Variants in TRMT44 observed in about 807,000 individuals in gnomAD.
The protein encoded by TRMT44 is tRNA methyltransferase 44 homolog, also known as probable tRNA (uracil-O(2)-)-methyltransferase.
In TRMT44, 78 loss-of-function variants were observed where a neutral mutation model predicts 77.3. That is an observed-to-expected ratio of 1.01 (90% CI 0.84 to 1.22). The LOEUF (loss-of-function observed/expected upper bound fraction) is 1.22. TRMT44 is among the 50% of genes most tolerant of loss of function. TRMT44 has a pLI of 0.00. For synonymous variants in TRMT44, 391 were observed against 383.3 expected, an observed-to-expected ratio of 1.02 and a Z score of -0.23; for missense variants, 1,090 against 964.4, an observed-to-expected ratio of 1.13 and a Z score of -1.73.
At chr4:8,495,716 G>C (rs151054369), downstream of TRMT44, among the ~76,000 whole-genome samples, 1 of 152,338 alleles carries the variant, frequency 6.6e-6, no homozygotes, top group African/African-American at 2.4e-5. Context: ...TCTTGCACCT[G>C]ATAGTGAGGC....
the TRMT44 span, among the ~76,000 whole-genome samples, chr4:8,508,200 C>T: frequency 6.6e-6 from 1 of 152,086 alleles, no homozygotes; most frequent in Non-Finnish European, 1.5e-5. Context: ...AGACACTATA[C>T]CTGGCCTCAC....
chr4:8,475,812 G>C lies in TRMT44; in HGVS notation c.2085G>C (p.Glu695Asp). The C allele has an allele frequency of 1.2e-6, 2 of 1,614,200 alleles. No individual in the cohort carries two copies. Among genetic ancestry groups the C allele is most frequent in the East Asian group, 4.5e-5 (2 of 44,888 alleles). The change falls in exon 11 of 11, where the codon GAG (glutamate) becomes GAC (aspartate). Residue 695 changes from glutamate (E) to aspartate (D), a missense_variant. Physicochemically the swap from Glu to Asp is conservative, Grantham distance 45. Coordinates refer to ENST00000389737, the MANE Select transcript of TRMT44 (RefSeq NM_152544.3). ...TTCACATCCGCGACTGGCGAGAGGA[G>C]ACACTGTGGAAGACAAAGCAACCGG... is the stretch of plus-strand genomic sequence containing the variant. ...GRVHIRDWRE[E>D]TLWKTKQPEA...
Position 8,471,155 on chromosome 4 carries a change from G to C in TRMT44, c.1999G>C (p.Gly667Arg), listed in dbSNP as rs148022470. ...CCTGCGGAGGCTGAAGCGGGAGTGT[G>C]GGGGCCTGCAGACGCTGCTCCGGAA... The part of the protein sequence containing the change: ...ETLRRLKREC[G>R]GLQTLLRNSH... The change falls in exon 10 of 11, where the codon GGG becomes CGG. Residue 667 changes from glycine to arginine, a missense_variant. Physicochemically the swap from Gly to Arg is moderately radical, Grantham distance 125. Transcript: ENST00000389737. 206 of 1,609,720 alleles carry C rather than the reference G, an allele frequency of 1.3e-4. 1 individual carries two copies. In the African/African-American group the frequency reaches 2.4e-3, roughly 18 times the overall value.
intron 7 of TRMT44, 45 bp downstream of exon 7, chr4:8,464,136 C>A: frequency 6.5e-7 from 1 of 1,536,588 alleles, no homozygotes. Context: ...GGGAATGCTT[C>A]ATCTTCTAAA....
At chr4:8,470,983 G>A (rs1453149793) in intron 9 of TRMT44, 101 bp from the exon 10 acceptor site, 6 of 770,926 alleles carry the variant, frequency 7.8e-6, no homozygotes, top group East Asian at 5.1e-5. Flanking sequence ...TGCATAACGC[G>A]TGTGAGTGTA....
intron 2 of TRMT44, among the ~76,000 whole-genome samples, chr4:8,448,937 C>T (rs984651747): frequency 2.0e-5 from 3 of 152,212 alleles, no homozygotes; most frequent in African/African-American, 4.8e-5. Flanking sequence ...TCACTTTTAT[C>T]GTAGCTTTCT....
At chr4:8,455,445 C>T (rs1055934833) in intron 6 of TRMT44, among the ~76,000 whole-genome samples, 3 of 152,234 alleles carry the variant, frequency 2.0e-5, no homozygotes, top group African/African-American at 7.2e-5. Flanking sequence ...ATGTGTAGGG[C>T]AGACTGTGCA....
At chr4:8,465,330 G>A in intron 7 of TRMT44, 48 bp from the exon 8 acceptor site, 1 of 1,536,892 alleles carries the variant, frequency 6.5e-7, no homozygotes, top group Non-Finnish European at 8.8e-7. Flanking sequence ...TTCCTTGACT[G>A]CGTCTGCTCA....
intron 9 of TRMT44, among the ~76,000 whole-genome samples, chr4:8,469,763 C>G (rs748919611): frequency 6.6e-6 from 1 of 152,226 alleles, no homozygotes; most frequent in Non-Finnish European, 1.5e-5. Flanking sequence ...TGGCCTTGGC[C>G]TCTCAGCCCA....
At position 8,467,374 on chromosome 4, in the gene TRMT44, T is replaced by G. The variant is rs181262062; in HGVS notation, c.1495-540T>G. 5.4e-3 allele frequency among the ~76,000 whole-genome samples: 817 copies of G among 152,302 alleles called. 8 individuals carry two copies. Among genetic ancestry groups the G allele is most frequent in the African/African-American group, 0.019 (780 of 41,552 alleles). ...GTTTAGGCGCCTTTGTTAGATCTTG[T>G]GAAGGTCCAAGATCTAACAATGATG... On this transcript the variant is annotated intron_variant, in intron 8 of 10. Coordinates refer to ENST00000389737, the MANE Select transcript of TRMT44 (RefSeq NM_152544.3).
At chr4:8,490,666 G>A (rs916887730) in intron 2 of TRMT44, among the ~76,000 whole-genome samples, 3 of 152,198 alleles carry the variant, frequency 2.0e-5, no homozygotes, top group South Asian at 4.1e-4. Flanking sequence ...GCTCATAAAA[G>A]CAGCGTGGAC....
downstream of TRMT44, chr4:8,476,576 A>G (rs1175858036): frequency 6.5e-6 from 1 of 153,454 alleles, no homozygotes; most frequent in Admixed American, 6.4e-5. Flanking sequence ...TCTAAGTGGC[A>G]TGAAAAAAAA....
chr4:8,470,020 G>A (rs1401785926), intron 9 of TRMT44, among the ~76,000 whole-genome samples: 1 of 152,276 alleles, frequency 6.6e-6, no homozygotes, highest in Non-Finnish European at 1.5e-5. Context: ...ACACGTCAAA[G>A]GATGAGAAAC....
downstream of TRMT44, among the ~76,000 whole-genome samples, chr4:8,479,736 A>G (rs1184216637): frequency 2.0e-5 from 3 of 152,192 alleles, no homozygotes; most frequent in Non-Finnish European, 4.4e-5. Context: ...CTCAGTTTAT[A>G]CTAAAAAAAT....
intron 10 of TRMT44, among the ~76,000 whole-genome samples, chr4:8,472,815 G>C (rs981243771): frequency 6.6e-6 from 1 of 152,138 alleles, no homozygotes; most frequent in African/African-American, 2.4e-5. Flanking sequence ...CCTGCTGCCT[G>C]GAGTCTGCTC....
At chr4:8,473,410 CAGAG>C (rs930321114) in intron 10 of TRMT44, 22 of 152,408 alleles carry the variant, frequency 1.4e-4, no homozygotes, top group East Asian at 5.8e-4. Flanking sequence ...AGACAAGTCT[CAGAG>C]AGGTCAGTGC....
At chr4:8,465,877 T>G (rs1726511168) in intron 8 of TRMT44, among the ~76,000 whole-genome samples, 1 of 152,206 alleles carries the variant, frequency 6.6e-6, no homozygotes, top group African/African-American at 2.4e-5. Context: ...GTGGCTGACC[T>G]CCCTGTGGAA....
At chr4:8,483,958 C>G (rs570673280) in intron 2 of TRMT44, among the ~76,000 whole-genome samples, 4 of 152,196 alleles carry the variant, frequency 2.6e-5, no homozygotes, top group Admixed American at 6.5e-5. Context: ...CCCTGAGCTT[C>G]ATGTGTAGGG....
Position 8,441,098 on chromosome 4 carries a change from G to A in TRMT44, c.276G>A (p.Glu92=). The A allele has an allele frequency of 6.6e-7, 1 of 1,510,708 alleles. No individual in the cohort carries two copies. The highest frequency in any genetic ancestry group is 8.8e-7 in the Non-Finnish European group (1 of 1,132,966). 93.6% of individuals were successfully genotyped at this position (1,510,708 alleles called of 1,614,324 possible). A position where few individuals can be genotyped will look rare whatever the true frequency, so the allele number is the denominator to read the frequency against. Residue 92 remains glutamate, a synonymous_variant, in exon 1 of 11, where the codon GAG becomes GAA. Coordinates refer to ENST00000389737, the MANE Select transcript of TRMT44 (RefSeq NM_152544.3). ...GTCCCAGGTCGCTATCAGGACCCGA[G>A]CAGGGCACGGCATGTTGCGAACTTG... The part of the protein sequence containing the change: ...GPGPRSLSGP[E]QGTACCELEE...
Sources: allele counts gnomAD v4.1 joint callset (sites outside exome capture counted in the v4.1 genomes callset), GRCh38; gene constraint gnomAD v4.1.1; transcripts MANE v1.5; gene names NCBI Gene and HGNC (gene_info 2026-07-23, HGNC 2026-07-21).